Variants in FAM53B observed in about 807,000 individuals in gnomAD.
FAM53B encodes the protein family with sequence similarity 53 member B.
Under a neutral mutation model 32.7 loss-of-function variants are expected in FAM53B, and 12 were observed. That is an observed-to-expected ratio of 0.37 (90% CI 0.24 to 0.59). FAM53B has a LOEUF of 0.59. FAM53B is among the 20% of genes least tolerant of loss of function. FAM53B has a pLI of 0.72. For missense variants in FAM53B, 477 were observed against 577.7 expected (o/e 0.83, Z 1.79); for synonymous variants, 234 against 228.7 (o/e 1.02, Z -0.21).
At position 124,689,128 on chromosome 10, in the gene FAM53B, G is replaced by A. The variant is rs140114304; in HGVS notation, c.134-6749C>T. On this transcript the variant is annotated intron_variant, in intron 3 of 4. Transcript: ENST00000337318. ...TCCCCTGCCCTGTAGGTTGGGTTGT[G>A]CTAACTTGGCCTCAGGGCCACAAAG... 3.4e-4 allele frequency among the ~76,000 whole-genome samples: 52 copies of A among 152,332 alleles called. No homozygotes were observed. The East Asian group carries it at 9.6e-3, about 28-fold the overall frequency.
chr10:124,705,808 G>C (rs1178518478), intron 2 of FAM53B: 1 of 152,408 alleles, frequency 6.6e-6, no homozygotes, highest in Non-Finnish European at 1.5e-5. Flanking sequence ...GCTAGGGGAA[G>C]GGGCCCACCA....
intron 4 of FAM53B, among the ~76,000 whole-genome samples, chr10:124,675,015 GA>G (rs947753743): frequency 6.6e-6 from 1 of 152,334 alleles, no homozygotes; most frequent in Admixed American, 6.5e-5. Context: ...TTGAAGCGTG[GA>G]AATCACCAAG....
At chr10:124,695,060 C>G (rs1949860472) in intron 3 of FAM53B, among the ~76,000 whole-genome samples, 1 of 152,208 alleles carries the variant, frequency 6.6e-6, no homozygotes, top group Non-Finnish European at 1.5e-5. Context: ...CAATCTGACA[C>G]ATCACCTCAT....
intron 3 of FAM53B, among the ~76,000 whole-genome samples, chr10:124,688,209 T>C (rs1329630203): frequency 6.6e-6 from 1 of 152,106 alleles, no homozygotes; most frequent in Non-Finnish European, 1.5e-5. Flanking sequence ...ATCAGCTGTG[T>C]CCTAAAGATA....
intron 4 of FAM53B, among the ~76,000 whole-genome samples, chr10:124,674,016 C>T (rs1949722432): frequency 6.6e-6 from 1 of 152,218 alleles, no homozygotes; most frequent in Non-Finnish European, 1.5e-5. Context: ...CTGACTCCAA[C>T]AGCAGCTGTG....
chr10:124,682,040 C>T lies in FAM53B; in HGVS notation c.473G>A (p.Gly158Asp), dbSNP rs756801061. 6.2e-7 allele frequency: 1 copy of T among 1,613,676 alleles called. No homozygotes were observed. The highest frequency in any genetic ancestry group is 2.2e-5 in the East Asian group (1 of 44,862). ...GGAACTCCTCTGCATGGTGCTGAAG[C>T]CGTTGGAATAGCGCTGGACGCTGCC... The part of the protein sequence containing the change: ...SGGSVQRYSN[G>D]FSTMQRSSSF... The change falls in exon 4 of 5, where the codon GGC (glycine) becomes GAC (aspartate). Residue 158 changes from glycine (G) to aspartate (D), a missense_variant. Gly to Asp is a moderately conservative substitution (Grantham distance 94). Transcript: ENST00000337318. This position sits in a 1 kb window ranked among gnomAD's most constrained non-coding sequence, Gnocchi z 5.2.
intron 1 of FAM53B, among the ~76,000 whole-genome samples, chr10:124,735,040 C>A (rs1950165608): frequency 6.6e-6 from 1 of 152,188 alleles, no homozygotes; most frequent in Non-Finnish European, 1.5e-5. Flanking sequence ...CACCGCAGGC[C>A]GAGCTGGGGG....
At chr10:124,692,358 C>G (rs1949838904) in intron 3 of FAM53B, among the ~76,000 whole-genome samples, 2 of 152,078 alleles carry the variant, frequency 1.3e-5, no homozygotes, top group African/African-American at 4.8e-5. Flanking sequence ...GGGGAGGGGC[C>G]CGGTATCCAG....
intron 1 of FAM53B, among the ~76,000 whole-genome samples, chr10:124,709,692 G>C (rs1200759614): frequency 1.3e-5 from 2 of 152,102 alleles, no homozygotes; most frequent in East Asian, 1.9e-4. Context: ...GTTACATAAG[G>C]GAATACCATG....
chr10:124,634,075 CAT>C (rs1222507381), intron 4 of FAM53B, among the ~76,000 whole-genome samples: 1 of 152,172 alleles, frequency 6.6e-6, no homozygotes, highest in Non-Finnish European at 1.5e-5. Flanking sequence ...GAAATGAAAA[CAT>C]ATGTCTATGT....
chr10:124,637,249 G>T (rs1949438732), intron 4 of FAM53B, among the ~76,000 whole-genome samples: 1 of 152,200 alleles, frequency 6.6e-6, no homozygotes. Context: ...GGGTCCGCAG[G>T]TGGCAGGAGA....
At chr10:124,714,970 A>G (rs1171775509) in intron 1 of FAM53B, among the ~76,000 whole-genome samples, 1 of 152,162 alleles carries the variant, frequency 6.6e-6, no homozygotes, top group Admixed American at 6.5e-5. Flanking sequence ...AGTGAGGCCC[A>G]GGTCTAAGGT....
At chr10:124,695,608 T>C (rs1949863335) in intron 3 of FAM53B, among the ~76,000 whole-genome samples, 1 of 152,210 alleles carries the variant, frequency 6.6e-6, no homozygotes, top group Non-Finnish European at 1.5e-5. Context: ...ACAGCCTAGA[T>C]GTAGTTACAT....
intron 1 of FAM53B, among the ~76,000 whole-genome samples, chr10:124,736,389 T>TC (rs1329646691): frequency 6.6e-6 from 1 of 152,250 alleles, no homozygotes; most frequent in Non-Finnish European, 1.5e-5. Flanking sequence ...CTGCACTCCT[T>TC]CTGGAGACTC....
chr10:124,624,916 G>C (rs1261755476), intron 4 of FAM53B, among the ~76,000 whole-genome samples: 2 of 152,220 alleles, frequency 1.3e-5, no homozygotes, highest in Non-Finnish European at 2.9e-5. Flanking sequence ...ATAGCAGAGG[G>C]GAGCGAGGGA....
At chr10:124,673,952 G>A (rs1249525376) in intron 4 of FAM53B, among the ~76,000 whole-genome samples, 5 of 152,174 alleles carry the variant, frequency 3.3e-5, no homozygotes, top group Admixed American at 2.6e-4. Context: ...CAGGGCAACG[G>A]GCTCACAGTC....
intron 4 of FAM53B, chr10:124,623,826 T>C (rs1476937413): frequency 7.6e-6 from 4 of 525,202 alleles, no homozygotes; most frequent in East Asian, 3.4e-5. Context: ...GCAATTCCAC[T>C]ATTCACCTAC....
Position 124,728,743 on chromosome 10 carries a change from T to C in FAM53B, c.-175+15270A>G, listed in dbSNP as rs1010682812. On this transcript the variant is annotated intron_variant, in intron 1 of 4. Coordinates refer to ENST00000337318, the MANE Select transcript of FAM53B (RefSeq NM_014661.4). ...ATAACAACACATTCAAAGGGAAAGC[T>C]TGATGGAGTTGGTTTTCTTAAATGT... Among the ~76,000 whole-genome samples the C allele has an allele frequency of 3.3e-5, 5 of 152,360 alleles. 1 individual carries two copies. The South Asian group carries it at 1.0e-3, about 32-fold the overall frequency.
chr10:124,672,593 G>A (rs905906042), intron 4 of FAM53B, among the ~76,000 whole-genome samples: 2 of 152,364 alleles, frequency 1.3e-5, no homozygotes, highest in Non-Finnish European at 1.5e-5. Context: ...AAGATCCAGC[G>A]TGACAAGCGC....
Sources: gnomAD v4.1 joint callset for allele counts (sites outside exome capture counted in the v4.1 genomes callset) on GRCh38, gnomAD v4.1.1 for gene constraint, Gnocchi (gnomAD v3.1) non-coding constraint, MANE v1.5 for transcripts, NCBI Gene and HGNC (gene_info 2026-07-23, HGNC 2026-07-21) for gene names.